The following PPM1E variants were observed in gnomAD, a reference collection of about 807,000 sequenced individuals.
The protein encoded by PPM1E is protein phosphatase 1E.
Under a neutral mutation model 65.9 loss-of-function variants are expected in PPM1E, and 20 were observed. The ratio of observed to expected loss-of-function variants is 0.30; its 90% confidence interval spans 0.21 to 0.44. The LOEUF is 0.44. PPM1E is among the 20% of genes least tolerant of loss of function. The pLI, the probability that PPM1E is intolerant of heterozygous loss-of-function variation, is 1.00. For synonymous variants in PPM1E, 352 were observed against 374.9 expected (o/e 0.94, Z 0.70); for missense variants, 713 against 953.1 (o/e 0.75, Z 3.32).
At chr17:58,896,354 G>A (rs1037307550) in intron 1 of PPM1E, among the ~76,000 whole-genome samples, 4 of 152,096 alleles carry the variant, frequency 2.6e-5, no homozygotes, top group African/African-American at 4.8e-5. Context: ...GGAGGCTGAG[G>A]TGGGTGGATC....
At position 58,798,801 on chromosome 17, in the gene PPM1E, C is replaced by T. The variant is rs191786995; in HGVS notation, c.464+42340C>T. On this transcript the variant is annotated intron_variant, in intron 1 of 6. Coordinates refer to ENST00000308249, the MANE Select transcript of PPM1E (RefSeq NM_014906.5). Reference sequence around the variant, plus strand: ...CTCTGCCTCCTGGGTTCAAGTGATACTCATGTCTCAGCCTCCTGAGTAGCT... The same window carrying T: ...CTCTGCCTCCTGGGTTCAAGTGATATTCATGTCTCAGCCTCCTGAGTAGCT... Among the ~76,000 whole-genome samples, 3 of 152,042 alleles carry T rather than the reference C, an allele frequency of 2.0e-5. No homozygotes were observed. The East Asian group carries it at 5.8e-4, about 29-fold the overall frequency.
intron 1 of PPM1E, among the ~76,000 whole-genome samples, chr17:58,812,948 TTA>T (rs2143103377): frequency 6.6e-6 from 1 of 152,290 alleles, no homozygotes; most frequent in South Asian, 2.1e-4. Context: ...AAAAAGAATA[TTA>T]TTCTTCCTCC....
intron 1 of PPM1E, among the ~76,000 whole-genome samples, chr17:58,787,673 C>T (rs1250912086): frequency 1.3e-5 from 2 of 151,934 alleles, no homozygotes; most frequent in East Asian, 3.9e-4. Context: ...CTTTGGGAGG[C>T]CGAGGCGGGC....
intron 1 of PPM1E, among the ~76,000 whole-genome samples, chr17:58,885,756 C>T (rs1382019811): frequency 6.6e-6 from 1 of 152,144 alleles, no homozygotes; most frequent in Non-Finnish European, 1.5e-5. Flanking sequence ...CCTACGTCTA[C>T]TCTATTTTGC....
At chr17:58,873,565 GTATTATTATTATTATTATTAT>G (rs140125879) in intron 1 of PPM1E, among the ~76,000 whole-genome samples, 7 of 141,012 alleles carry the variant, frequency 5.0e-5, no homozygotes, top group Admixed American at 2.2e-4. Flanking sequence ...AATGCTCATA[GTATTATTATTATTATTATTAT>G]TATTATTATT....
chr17:58,848,752 T>C (rs1309060719), intron 1 of PPM1E, among the ~76,000 whole-genome samples: 1 of 152,236 alleles, frequency 6.6e-6, no homozygotes, highest in Non-Finnish European at 1.5e-5. Context: ...GTTGTGTCTC[T>C]GCCAGGCTTT....
At chr17:58,900,655 C>G (rs964077971) in intron 1 of PPM1E, among the ~76,000 whole-genome samples, 7 of 151,992 alleles carry the variant, frequency 4.6e-5, no homozygotes, top group Non-Finnish European at 8.8e-5. Context: ...ATTGTGGTAA[C>G]CTGGAGCTGA....
Position 58,963,978 on chromosome 17 carries a change from C to T in PPM1E, c.584-1716C>T, listed in dbSNP as rs571544659. Among the ~76,000 whole-genome samples the T allele has an allele frequency of 3.3e-5, 5 of 152,112 alleles. No homozygotes were observed. The South Asian group carries it at 1.0e-3, about 32-fold the overall frequency. ...GTTAATGAGGAAAAAAAGGACAAAACCTTGAGGTCAGCTTTTTTAATATAG... is the reference window on the plus strand; with the variant it reads ...GTTAATGAGGAAAAAAAGGACAAAATCTTGAGGTCAGCTTTTTTAATATAG... On this transcript the variant is annotated intron_variant, in intron 2 of 6. Coordinates refer to ENST00000308249, the MANE Select transcript of PPM1E (RefSeq NM_014906.5).
At chr17:58,855,536 G>GA (rs1183558626) in intron 1 of PPM1E, among the ~76,000 whole-genome samples, 1 of 152,094 alleles carries the variant, frequency 6.6e-6, no homozygotes, top group African/African-American at 2.4e-5. Context: ...TGGCTATTAA[G>GA]AAAAATTACA....
intron 1 of PPM1E, among the ~76,000 whole-genome samples, chr17:58,881,560 G>A (rs918963034): frequency 2.0e-5 from 3 of 152,168 alleles, no homozygotes; most frequent in Non-Finnish European, 4.4e-5. Flanking sequence ...CTACTTGGGA[G>A]GCTGAGGCAG....
intron 1 of PPM1E, among the ~76,000 whole-genome samples, chr17:58,937,891 AAAAAGAAAGAAAG>A (rs1390722357): frequency 3.4e-5 from 5 of 146,294 alleles, no homozygotes; most frequent in African/African-American, 1.0e-4. Context: ...AAAAAAAAAA[AAAAAGAAAGAAAG>A]AAAAGAAAGA....
intron 1 of PPM1E, among the ~76,000 whole-genome samples, chr17:58,786,247 C>T (rs2050099750): frequency 6.6e-6 from 1 of 152,084 alleles, no homozygotes; most frequent in Non-Finnish European, 1.5e-5. Context: ...GTCTCCTGAC[C>T]TCGTGATCTG....
Position 58,982,994 on chromosome 17 carries a change from A to G in PPM1E, c.*1963A>G. Reference sequence around the variant, plus strand: ...AGTCCAAAGTGCTTAGCGAAGTAAAAAAAAAAGCTTTTTAAAATTTCTATT... The same window carrying G: ...AGTCCAAAGTGCTTAGCGAAGTAAAGAAAAAAGCTTTTTAAAATTTCTATT... On this transcript the variant is annotated 3_prime_UTR_variant, in exon 7 of 7. Transcript: ENST00000308249. 2 of 1,386,782 alleles carry G rather than the reference A, an allele frequency of 1.4e-6. No homozygotes were observed. The highest frequency in any genetic ancestry group is 2.6e-5 in the South Asian group (2 of 76,072). 85.9% of individuals were successfully genotyped at this position (1,386,782 alleles called of 1,614,324 possible).
At chr17:58,773,859 GAATAAA>G (rs914120210) in intron 1 of PPM1E, among the ~76,000 whole-genome samples, 3 of 152,056 alleles carry the variant, frequency 2.0e-5, no homozygotes, top group Admixed American at 1.3e-4. Context: ...AATCTGTTTT[GAATAAA>G]AATTGTAGGT....
rs1051495916 is a variant in PPM1E at position 58,980,898 on chromosome 17, A to C, written c.2135A>C (p.Lys712Thr). ...TSLSSLTGSG[K>T]RNRIRSSLPW... is the part of the protein sequence containing the mutation. ...CTGTCCTCACTTACTGGAAGTGGGA[A>C]GAGAAATAGGATAAGAAGTTCTCTG... Residue 712 changes from lysine (K) to threonine (T), a missense_variant, in exon 7 of 7, where the codon AAG becomes ACG. Transcript: ENST00000308249. The surrounding 1 kb of genome is among the most constrained non-coding windows in gnomAD (Gnocchi z 4.7). The C allele has an allele frequency of 2.5e-6, 4 of 1,614,232 alleles. No individual in the cohort carries two copies. Among genetic ancestry groups the C allele is most frequent in the Non-Finnish European group, 2.5e-6 (3 of 1,180,022 alleles).
rs753643987 is a variant in PPM1E at position 58,982,802 on chromosome 17, G to A, written c.*1771G>A. ...TCAACATGGCCCCAACTATAGTGCC[G>A]GAACCTTTTCATCATTCTGAGGCTT... is the stretch of plus-strand genomic sequence containing the variant. On this transcript the variant is annotated 3_prime_UTR_variant, in exon 7 of 7. Coordinates refer to ENST00000308249, the MANE Select transcript of PPM1E (RefSeq NM_014906.5). 58 of 1,042,062 alleles carry A rather than the reference G, an allele frequency of 5.6e-5. No homozygotes were observed. The highest frequency in any genetic ancestry group is 7.2e-5 in the Non-Finnish European group (51 of 705,384). 64.6% of individuals were successfully genotyped at this position (1,042,062 alleles called of 1,614,324 possible). A position where few individuals can be genotyped will look rare whatever the true frequency, so the allele number is the denominator to read the frequency against.
At chr17:58,868,262 T>C (rs2051027915) in intron 1 of PPM1E, among the ~76,000 whole-genome samples, 1 of 152,136 alleles carries the variant, frequency 6.6e-6, no homozygotes, top group Non-Finnish European at 1.5e-5. Flanking sequence ...GAGGTTGCAG[T>C]GAGCCAAGAT....
In PPM1E at chr17:58,937,035, G is replaced by A. The variant is rs573222247; in HGVS notation, c.465-18614G>A. 3.3e-5 allele frequency among the ~76,000 whole-genome samples: 5 copies of A among 151,834 alleles called. No homozygotes were observed. In the South Asian group the frequency reaches 6.2e-4, roughly 19 times the overall value. On this transcript the variant is annotated intron_variant, in intron 1 of 6. Coordinates refer to ENST00000308249, the MANE Select transcript of PPM1E (RefSeq NM_014906.5). ...TGTAAGGCCGGGCGCGGTGGCTCAC[G>A]CCTGTAATCCCAGCACTTTGGGAGG... is the stretch of plus-strand genomic sequence containing the variant.
chr17:58,959,051 G>A (rs779415691), intron 2 of PPM1E, among the ~76,000 whole-genome samples: 6 of 152,084 alleles, frequency 3.9e-5, no homozygotes, highest in Non-Finnish European at 4.4e-5. Flanking sequence ...GGCTACGTCT[G>A]TAATCCCAGC....
Sources: gnomAD v4.1 joint callset for allele counts (sites outside exome capture counted in the v4.1 genomes callset) on GRCh38, gnomAD v4.1.1 for gene constraint, Gnocchi (gnomAD v3.1) non-coding constraint, MANE v1.5 for transcripts, NCBI Gene and HGNC (gene_info 2026-07-23, HGNC 2026-07-21) for gene names.